The following FOCAD variants were observed in gnomAD, a reference collection of about 807,000 sequenced individuals.
FOCAD encodes the protein focadhesin.
A neutral mutation model predicts 225.6 loss-of-function variants in FOCAD; 198 were observed. That is an observed-to-expected ratio of 0.88 (90% CI 0.78 to 0.99). The LOEUF (loss-of-function observed/expected upper bound fraction) is 0.99, where lower values mean the gene tolerates loss of function less well. FOCAD is among the 50% of genes least tolerant of loss of function. The pLI, the probability that FOCAD is intolerant of heterozygous loss-of-function variation, is 0.00. For missense variants in FOCAD, 2,713 were observed against 2,123.6 expected (o/e 1.28, Z -5.46); for synonymous variants, 897 against 755.0 (o/e 1.19, Z -3.08).
At position 20,801,739 on chromosome 9, in the gene FOCAD, A is replaced by C. The variant is rs573586161; in HGVS notation, c.1455+12131A>C. ...TAGCAGTACTTTTCTATTGTATTTC[A>C]GATTTAATTTTCTTGTTGGGGTGTC... On this transcript the variant is annotated intron_variant, in intron 11 of 43. Transcript: ENST00000338382. 1.1e-4 allele frequency among the ~76,000 whole-genome samples: 17 copies of C among 152,202 alleles called. No individual in the cohort carries two copies. In the South Asian group the frequency reaches 3.5e-3, roughly 32 times the overall value.
At chr9:20,691,899 G>C (rs1823002988) in intron 1 of FOCAD, among the ~76,000 whole-genome samples, 3 of 152,124 alleles carry the variant, frequency 2.0e-5, no homozygotes, top group South Asian at 2.1e-4. Flanking sequence ...TCAGCCTCTT[G>C]AGTAGCCGGG....
At chr9:20,674,007 T>C (rs1185455173) in intron 2 of FOCAD, among the ~76,000 whole-genome samples, 1 of 152,246 alleles carries the variant, frequency 6.6e-6, no homozygotes, top group Non-Finnish European at 1.5e-5. Flanking sequence ...AATCAAGACC[T>C]TATGCTACCA....
chr9:20,691,754 A>G (rs1822993535), intron 1 of FOCAD, among the ~76,000 whole-genome samples: 2 of 147,028 alleles, frequency 1.4e-5, no homozygotes, highest in East Asian at 2.0e-4. Context: ...TGCTGGGATT[A>G]TAGGCATGAG....
intron 9 of FOCAD, 89 bp downstream of exon 9, chr9:20,778,857 T>G (rs910532397): frequency 3.2e-6 from 2 of 633,618 alleles, no homozygotes; most frequent in Non-Finnish European, 2.6e-6. Context: ...TGCTATCTTG[T>G]GTATTTTGAG....
chr9:20,921,807 G>A (rs1453594211), intron 24 of FOCAD, among the ~76,000 whole-genome samples: 1 of 152,122 alleles, frequency 6.6e-6, no homozygotes, highest in Non-Finnish European at 1.5e-5. Flanking sequence ...TTTTGGTACT[G>A]TTTTAAAACC....
chr9:20,860,772 A>G (rs190737026), intron 15 of FOCAD, among the ~76,000 whole-genome samples: 384 of 152,302 alleles, frequency 2.5e-3, no homozygotes, highest in Middle Eastern at 6.8e-3. Flanking sequence ...CGGCCTCCCA[A>G]AGTGCTGGGA....
chr9:20,784,961 G>A (rs1819765989), intron 10 of FOCAD, among the ~76,000 whole-genome samples: 1 of 151,580 alleles, frequency 6.6e-6, no homozygotes, highest in Admixed American at 6.6e-5. Context: ...CCAGCTGTGT[G>A]GCCTTGGACT....
intron 21 of FOCAD, among the ~76,000 whole-genome samples, chr9:20,904,719 CTGAG>C (rs1832815151): frequency 6.6e-6 from 1 of 151,976 alleles, no homozygotes; most frequent in Non-Finnish European, 1.5e-5. Context: ...TTCATTAAAA[CTGAG>C]TGAGACAGTG....
In FOCAD at chr9:20,764,866, T is replaced by C. The variant is rs768892697; in HGVS notation, c.495-3T>C. ...ACTGGCTAATGTATTTCATGTCTTA[T>C]AGGTTAGAAGTTTCATGCATTCAAA... On this transcript the variant is annotated splice_polypyrimidine_tract_variant and splice_region_variant and intron_variant, in intron 6 of 43. Coordinates refer to ENST00000338382, the MANE Select transcript of FOCAD (RefSeq NM_001375567.1). 20 of 1,611,922 alleles carry C rather than the reference T, an allele frequency of 1.2e-5. No individual in the cohort carries two copies. Among genetic ancestry groups the C allele is most frequent in the Non-Finnish European group, 1.6e-5 (19 of 1,178,510 alleles).
intron 2 of FOCAD, among the ~76,000 whole-genome samples, chr9:20,659,742 T>G (rs1335972151): frequency 2.6e-5 from 4 of 152,212 alleles, no homozygotes; most frequent in Non-Finnish European, 4.4e-5. Context: ...ATTGAAAGAT[T>G]TTATGCAGGG....
chr9:20,659,523 C>A (rs758051604), intron 2 of FOCAD, among the ~76,000 whole-genome samples: 4 of 151,738 alleles, frequency 2.6e-5, no homozygotes, highest in African/African-American at 9.7e-5. Context: ...GATGTATGCA[C>A]ATAGAGGAAA....
chr9:20,869,027 C>G (rs772784597), intron 18 of FOCAD, among the ~76,000 whole-genome samples: 1 of 152,186 alleles, frequency 6.6e-6, no homozygotes, highest in Non-Finnish European at 1.5e-5. Context: ...CCCAAACATA[C>G]AGCCTGGTCG....
chr9:20,989,823 T>A (rs1324933264), intron 41 of FOCAD, among the ~76,000 whole-genome samples: 3 of 152,364 alleles, frequency 2.0e-5, no homozygotes, highest in Non-Finnish European at 2.9e-5. Context: ...TGATTAGGAA[T>A]TGAATAAACG....
intron 2 of FOCAD, among the ~76,000 whole-genome samples, chr9:20,659,148 G>A (rs1821620166): frequency 6.6e-6 from 1 of 152,050 alleles, no homozygotes; most frequent in African/African-American, 2.4e-5. Context: ...TAAACCTGGG[G>A]GGCGGAGGTT....
chr9:20,734,673 C>A (rs990512434), intron 4 of FOCAD, among the ~76,000 whole-genome samples: 1 of 151,138 alleles, frequency 6.6e-6, no homozygotes, highest in African/African-American at 2.4e-5. Context: ...TTGAGGTGAT[C>A]TCACTTTGTC....
chr9:20,721,509 C>T (rs1457261012), intron 4 of FOCAD, among the ~76,000 whole-genome samples: 1 of 152,058 alleles, frequency 6.6e-6, no homozygotes, highest in Admixed American at 6.6e-5. Flanking sequence ...CGAGACCAGC[C>T]TGGCCAACAT....
At chr9:20,756,320 T>C (rs1255769949) in intron 5 of FOCAD, among the ~76,000 whole-genome samples, 1 of 152,142 alleles carries the variant, frequency 6.6e-6, no homozygotes, top group African/African-American at 2.4e-5. Context: ...TAGATAGTGT[T>C]ATACCCACAA....
At chr9:20,931,281 G>T (rs1158321559) in intron 27 of FOCAD, among the ~76,000 whole-genome samples, 1 of 152,148 alleles carries the variant, frequency 6.6e-6, no homozygotes, top group East Asian at 1.9e-4. Flanking sequence ...TCCTTCCTTA[G>T]CTGAGCACCC....
chr9:20,727,190 T>TC (rs1826269091), intron 4 of FOCAD, among the ~76,000 whole-genome samples: 2 of 152,124 alleles, frequency 1.3e-5, no homozygotes, highest in African/African-American at 2.4e-5. Context: ...TCCTTTTTTT[T>TC]CCCCCTTGAA....
Sources: allele counts gnomAD v4.1 joint callset (sites outside exome capture counted in the v4.1 genomes callset), GRCh38; gene constraint gnomAD v4.1.1; transcripts MANE v1.5; gene names NCBI Gene and HGNC (gene_info 2026-07-23, HGNC 2026-07-21).